The following PTPRN2 variants were observed in gnomAD, a reference collection of about 807,000 sequenced individuals.
PTPRN2 encodes protein tyrosine phosphatase receptor type N2.
A neutral mutation model predicts 118.8 loss-of-function variants in PTPRN2; 74 were observed. The ratio of observed to expected loss-of-function variants is 0.62; its 90% CI spans 0.52 to 0.76. The LOEUF is 0.76. Among genes scored for constraint, PTPRN2 ranks in the 30% least tolerant of loss-of-function variants. The pLI, the probability that PTPRN2 is intolerant of heterozygous loss-of-function variation, is 0.00. For missense variants in PTPRN2, 1,481 were observed against 1,394.4 expected (o/e 1.06, Z -0.99); for synonymous variants, 641 against 608.0 (o/e 1.05, Z -0.80).
intron 11 of PTPRN2, among the ~76,000 whole-genome samples, chr7:157,917,795 C>T (rs532100599): frequency 2.4e-4 from 37 of 152,168 alleles, no homozygotes; most frequent in African/African-American, 8.2e-4. Context: ...CCAGGTCCTG[C>T]GTGGCGACGA....
chr7:157,553,723 G>A (rs933468904), intron 21 of PTPRN2, among the ~76,000 whole-genome samples: 2 of 152,198 alleles, frequency 1.3e-5, no homozygotes, highest in Middle Eastern at 3.2e-3. Flanking sequence ...CGCTTAAAAA[G>A]TGTGCAGCAC....
intron 13 of PTPRN2, among the ~76,000 whole-genome samples, chr7:157,656,754 A>C (rs1258578706): frequency 6.6e-6 from 1 of 152,086 alleles, no homozygotes; most frequent in Non-Finnish European, 1.5e-5. Context: ...TGACCCGAGA[A>C]GACTTCAGGC....
chr7:158,474,325 C>A (rs116725355), intron 2 of PTPRN2, among the ~76,000 whole-genome samples: 2,085 of 152,306 alleles, frequency 0.014, 42 homozygotes, highest in African/African-American at 0.047. Context: ...ACTGGCACCC[C>A]GAGTCAACTT....
chr7:158,214,548 C>A (rs1425476584), intron 3 of PTPRN2, among the ~76,000 whole-genome samples: 1 of 152,080 alleles, frequency 6.6e-6, no homozygotes, highest in Admixed American at 6.6e-5. Context: ...AAAGTACAGC[C>A]TCTCCCTACC....
rs1257827253 is a variant in PTPRN2 at position 157,671,104 on chromosome 7, C to A, written c.2001+11621G>T. ...TTTCCAAGAGGGTTTACATGCTCCC[C>A]CGCCCCCCGTCCCCTGCCCACAGAC... On this transcript the variant is annotated intron_variant, in intron 13 of 22. Transcript: ENST00000389418. This position sits in a 1 kb window ranked among gnomAD's most constrained non-coding sequence, Gnocchi z 4.1. Among the ~76,000 whole-genome samples the A allele has an allele frequency of 7.0e-6, 1 of 142,848 alleles. No homozygotes were observed. The highest frequency in any genetic ancestry group is 1.6e-5 in the Non-Finnish European group (1 of 64,478). 93.7% of individuals were successfully genotyped at this position (142,848 alleles called of 152,430 possible).
In PTPRN2 at chr7:157,676,906, A is replaced by C. The variant is rs1298808184; in HGVS notation, c.2001+5819T>G. ...GAAGGAAGTGTTCTCTGGTTCTGGC[A>C]GAGAAATGTGTGAGGCGGACTGGTA... is the stretch of plus-strand genomic sequence containing the variant. On this transcript the variant is annotated intron_variant, in intron 13 of 22. Transcript: ENST00000389418. This position sits in a 1 kb window ranked among gnomAD's most constrained non-coding sequence, Gnocchi z 5.6. Among the ~76,000 whole-genome samples the C allele has an allele frequency of 6.6e-6, 1 of 150,750 alleles. No individual in the cohort carries two copies. The highest frequency in any genetic ancestry group is 2.0e-4 in the East Asian group (1 of 4,880).
At chr7:157,939,018 C>G (rs555370620) in intron 11 of PTPRN2, among the ~76,000 whole-genome samples, 47 of 152,218 alleles carry the variant, frequency 3.1e-4, no homozygotes, top group Admixed American at 1.6e-3. Flanking sequence ...CATCAACTCA[C>G]ACCCAAATTC....
chr7:158,388,804 G>T (rs908404323), intron 2 of PTPRN2, among the ~76,000 whole-genome samples: 12 of 152,164 alleles, frequency 7.9e-5, no homozygotes, highest in African/African-American at 2.2e-4. Flanking sequence ...GCACACAAAA[G>T]ACACTCATCG....
chr7:157,745,389 C>A (rs558005450), intron 12 of PTPRN2, among the ~76,000 whole-genome samples: 2 of 150,770 alleles, frequency 1.3e-5, no homozygotes, highest in Non-Finnish European at 3.0e-5. Flanking sequence ...GGGTGGTCTG[C>A]GGGAGGCAGG....
chr7:157,836,837 T>C (rs542029286), intron 12 of PTPRN2, among the ~76,000 whole-genome samples: 2 of 152,182 alleles, frequency 1.3e-5, no homozygotes, highest in Non-Finnish European at 2.9e-5. Flanking sequence ...TCTACAACTG[T>C]GTGTCCATTC....
chr7:158,071,093 G>A (rs1396621111), intron 11 of PTPRN2, among the ~76,000 whole-genome samples: 10 of 100,552 alleles, frequency 9.9e-5, no homozygotes, highest in Non-Finnish European at 1.6e-4. Flanking sequence ...GCCCGTGGTG[G>A]TGGAGGTGCT....
In PTPRN2 at chr7:157,619,119, G is replaced by A. The variant is rs1177552755; in HGVS notation, c.2344+2243C>T. Among the ~76,000 whole-genome samples, 2 of 151,790 alleles carry A rather than the reference G, an allele frequency of 1.3e-5. No individual in the cohort carries two copies. The highest frequency in any genetic ancestry group is 2.4e-5 in the African/African-American group (1 of 41,236). Reference sequence around the variant, plus strand: ...CCACTTCACCATCACTAGGTCCCTCGCCCCCAACCCCCCCATCCACACTGT... The same window carrying A: ...CCACTTCACCATCACTAGGTCCCTCACCCCCAACCCCCCCATCCACACTGT... On this transcript the variant is annotated intron_variant, in intron 15 of 22. Coordinates refer to ENST00000389418, the MANE Select transcript of PTPRN2 (RefSeq NM_002847.5). The surrounding 1 kb of genome is among the most constrained non-coding windows in gnomAD (Gnocchi z 5.3).
At chr7:158,411,345 G>A (rs1814071282) in intron 2 of PTPRN2, among the ~76,000 whole-genome samples, 1 of 152,138 alleles carries the variant, frequency 6.6e-6, no homozygotes, top group Non-Finnish European at 1.5e-5. Flanking sequence ...TTCCCGTGAT[G>A]AAGTGCGGGG....
intron 3 of PTPRN2, among the ~76,000 whole-genome samples, chr7:158,266,785 T>C: frequency 6.6e-6 from 1 of 152,232 alleles, no homozygotes; most frequent in East Asian, 1.9e-4. Flanking sequence ...CAAAGTACAT[T>C]GCCTGACCCC....
intron 6 of PTPRN2, among the ~76,000 whole-genome samples, chr7:158,150,680 G>T (rs1284270005): frequency 1.3e-5 from 2 of 152,016 alleles, no homozygotes; most frequent in African/African-American, 4.8e-5. Flanking sequence ...GGTCACTGAG[G>T]TGAGATCTGT....
At chr7:157,930,899 G>C (rs985517649) in intron 11 of PTPRN2, among the ~76,000 whole-genome samples, 1 of 151,230 alleles carries the variant, frequency 6.6e-6, no homozygotes, top group African/African-American at 2.4e-5. Flanking sequence ...ATTTTTTTTC[G>C]TTTTTTTTTG....
chr7:157,593,849 C>T (rs1466633003), intron 17 of PTPRN2, among the ~76,000 whole-genome samples: 1 of 152,208 alleles, frequency 6.6e-6, no homozygotes, highest in African/African-American at 2.4e-5. Context: ...CCAAGTGCCC[C>T]CAAAACCATC....
chr7:158,485,026 G>A (rs994957807), intron 2 of PTPRN2, among the ~76,000 whole-genome samples: 9 of 152,064 alleles, frequency 5.9e-5, no homozygotes, highest in African/African-American at 1.7e-4. Flanking sequence ...GGCCCCGGCC[G>A]CCAGCGTCCC....
intron 21 of PTPRN2, among the ~76,000 whole-genome samples, chr7:157,555,623 T>A (rs1293112539): frequency 2.0e-5 from 3 of 152,248 alleles, no homozygotes. Context: ...AATGACTGCA[T>A]GAGCGCAGGT....
Sources: gnomAD v4.1 joint callset for allele counts (sites outside exome capture counted in the v4.1 genomes callset) on GRCh38, gnomAD v4.1.1 for gene constraint, Gnocchi (gnomAD v3.1) non-coding constraint, MANE v1.5 for transcripts, NCBI Gene and HGNC (gene_info 2026-07-23, HGNC 2026-07-21) for gene names.